The following PLEKHA6 variants were observed in gnomAD, a reference collection of about 807,000 sequenced individuals.
PLEKHA6 encodes pleckstrin homology domain containing A6.
Under a neutral mutation model 116.7 loss-of-function variants are expected in PLEKHA6, and 60 were observed. The observed-to-expected ratio is 0.51, with a 90% CI of 0.42 to 0.64. The LOEUF is 0.64. PLEKHA6 is among the 30% of genes least tolerant of loss of function. PLEKHA6 has a pLI of 0.00. For synonymous variants in PLEKHA6, 489 were observed against 556.1 expected, an observed-to-expected ratio of 0.88 and a Z score of 1.70; for missense variants, 1,338 against 1,422.7, an observed-to-expected ratio of 0.94 and a Z score of 0.96.
intron 1 of PLEKHA6, among the ~76,000 whole-genome samples, chr1:204,357,663 G>A (rs1426836357): frequency 6.6e-6 from 1 of 152,210 alleles, no homozygotes; most frequent in Non-Finnish European, 1.5e-5. Context: ...CAGTGCCAAT[G>A]ACCTCATCAA....
intron 1 of PLEKHA6, among the ~76,000 whole-genome samples, chr1:204,299,882 C>A (rs564793563): frequency 6.6e-6 from 1 of 152,276 alleles, no homozygotes; most frequent in Non-Finnish European, 1.5e-5. Context: ...GAAGCACAGG[C>A]CACTCCCCTG....
At chr1:204,287,087 C>T (rs1558141175) in intron 1 of PLEKHA6, among the ~76,000 whole-genome samples, 1 of 152,162 alleles carries the variant, frequency 6.6e-6, no homozygotes, top group Non-Finnish European at 1.5e-5. Flanking sequence ...CTCTCCAGAG[C>T]CCCGAGTTCC....
At chr1:204,231,834 G>C (rs1661223716) in intron 17 of PLEKHA6, among the ~76,000 whole-genome samples, 1 of 152,098 alleles carries the variant, frequency 6.6e-6, no homozygotes, top group Non-Finnish European at 1.5e-5. Flanking sequence ...CCAAAGTGCT[G>C]GGATTATAGG....
At position 204,257,750 on chromosome 1, in the gene PLEKHA6, G is replaced by A. The variant is rs558785490; in HGVS notation, c.1127C>T (p.Ser376Phe). 2 of 1,613,768 alleles carry A rather than the reference G, an allele frequency of 1.2e-6. No homozygotes were observed. Among genetic ancestry groups the A allele is most frequent in the Non-Finnish European group, 1.7e-6 (2 of 1,179,874 alleles). The change falls in exon 9 of 23, where the codon TCC (serine) becomes TTC (phenylalanine). Residue 376 changes from serine (S) to phenylalanine (F), a missense_variant. Ser to Phe is a radical substitution (Grantham distance 155). Coordinates refer to ENST00000272203, the MANE Select transcript of PLEKHA6 (RefSeq NM_014935.5). The surrounding 1 kb of genome is among the most constrained non-coding windows in gnomAD (Gnocchi z 6.5). ...PPGVRPESIC[S>F]MPAYDRISPP... ...GCTGATCCGATCATAGGCCGGCATG[G>A]AACAGATGCTCTCCGGCCGCACTCC... is the stretch of plus-strand genomic sequence containing the variant.
chr1:204,264,301 G>C (rs111518359), intron 6 of PLEKHA6, among the ~76,000 whole-genome samples: 5 of 152,134 alleles, frequency 3.3e-5, no homozygotes, highest in African/African-American at 1.2e-4. Context: ...CCAGCTGCAG[G>C]CACATCTTTA....
At chr1:204,367,733 C>G (rs542554948) in intron 3 of PLEKHA6, 8 of 152,444 alleles carry the variant, frequency 5.2e-5, no homozygotes, top group Non-Finnish European at 8.8e-5. Context: ...TTAACCATCT[C>G]TCCTCCTGAC....
chr1:204,368,257 C>T, intron 2 of PLEKHA6, among the ~76,000 whole-genome samples: 1 of 152,100 alleles, frequency 6.6e-6, no homozygotes, highest in Admixed American at 6.5e-5. Context: ...ATCATCTAAC[C>T]AGAAGGGCAG....
intron 1 of PLEKHA6, among the ~76,000 whole-genome samples, chr1:204,286,334 G>C (rs1230228970): frequency 6.6e-6 from 1 of 152,234 alleles, no homozygotes; most frequent in South Asian, 2.1e-4. Flanking sequence ...GGACACTGCT[G>C]TTCCCACCCC....
chr1:204,235,788 C>T (rs1043147680), intron 17 of PLEKHA6, among the ~76,000 whole-genome samples: 8 of 152,286 alleles, frequency 5.3e-5, no homozygotes, highest in African/African-American at 1.9e-4. Context: ...ACAGCTTCTC[C>T]ATTCCCAATA....
intron 1 of PLEKHA6, among the ~76,000 whole-genome samples, chr1:204,337,527 G>C (rs16853433): frequency 0.087 from 13,229 of 152,258 alleles, 1,293 homozygotes; most frequent in African/African-American, 0.24. Flanking sequence ...AAGACAACAA[G>C]TGAGCATGAG....
intron 1 of PLEKHA6, among the ~76,000 whole-genome samples, chr1:204,338,609 G>A (rs1214592495): frequency 6.6e-6 from 1 of 152,178 alleles, no homozygotes; most frequent in Non-Finnish European, 1.5e-5. Flanking sequence ...TTACAACCTA[G>A]CAAGCCAAGC....
chr1:204,332,766 G>A (rs1672503282), intron 1 of PLEKHA6, among the ~76,000 whole-genome samples: 1 of 152,172 alleles, frequency 6.6e-6, no homozygotes, highest in Non-Finnish European at 1.5e-5. Context: ...CCCGGCAGCA[G>A]TCCCAACTCT....
chr1:204,311,337 C>G (rs1346702749), intron 1 of PLEKHA6: 1 of 151,892 alleles, frequency 6.6e-6, no homozygotes, highest in Non-Finnish European at 1.5e-5. Flanking sequence ...CCTAAAAATA[C>G]AAAATTAGCC....
Position 204,307,377 on chromosome 1 carries a change from C to G in PLEKHA6, c.-94-32568G>C, listed in dbSNP as rs567040452. The G allele has an allele frequency of 3.3e-5, 5 of 152,454 alleles. No individual in the cohort carries two copies. The South Asian group carries it at 1.0e-3, about 32-fold the overall frequency. The allele number at this position is 152,454 out of a possible 1,614,324, so 9.4% of individuals were successfully genotyped here. A position where few individuals can be genotyped will look rare whatever the true frequency, so the allele number is the denominator to read the frequency against. Reference sequence around the variant, plus strand: ...TCAGGACCCAGCTGGGAGACGCAGACTGCCGACTGAGAAGGAGTGAAGCAA... The same window carrying G: ...TCAGGACCCAGCTGGGAGACGCAGAGTGCCGACTGAGAAGGAGTGAAGCAA... On this transcript the variant is annotated intron_variant, in intron 1 of 22. Transcript: ENST00000272203.
chr1:204,225,072 C>A (rs536980259), intron 21 of PLEKHA6, among the ~76,000 whole-genome samples: 18 of 152,086 alleles, frequency 1.2e-4, no homozygotes, highest in African/African-American at 4.1e-4. Context: ...CAGGAAAATT[C>A]AAAGAGACAG....
Position 204,257,339 on chromosome 1 carries a change from G to A in PLEKHA6, c.1524+14C>T, listed in dbSNP as rs1410358972. 6.4e-7 allele frequency: 1 copy of A among 1,557,216 alleles called. No homozygotes were observed. The highest frequency in any genetic ancestry group is 8.7e-7 in the Non-Finnish European group (1 of 1,149,860). ...CTCAGGGGATGAGGAAGGAAGGGCA[G>A]GCTGGTGGCTCACCTTGGGGGAGCT... is the stretch of plus-strand genomic sequence containing the variant. On this transcript the variant is annotated intron_variant, in intron 9 of 22. Transcript: ENST00000272203. The surrounding 1 kb of genome is among the most constrained non-coding windows in gnomAD (Gnocchi z 6.5).
chr1:204,368,804 A>T (rs1479954463), intron 2 of PLEKHA6: 1 of 152,258 alleles, frequency 6.6e-6, no homozygotes, highest in Admixed American at 6.5e-5. Context: ...TGGCTGACAT[A>T]TTGGAAAACA....
intron 1 of PLEKHA6, among the ~76,000 whole-genome samples, chr1:204,307,022 C>A (rs546389448): frequency 6.6e-6 from 1 of 152,114 alleles, no homozygotes; most frequent in Non-Finnish European, 1.5e-5. Flanking sequence ...TAATGAGAGA[C>A]CCCGAGGAAG....
chr1:204,366,631 G>A (rs1558203991), intron 3 of PLEKHA6, among the ~76,000 whole-genome samples: 1 of 152,054 alleles, frequency 6.6e-6, no homozygotes, highest in Non-Finnish European at 1.5e-5. Context: ...CATGGTGGTG[G>A]GCACCTGTAG....
Sources: allele counts gnomAD v4.1 joint callset (sites outside exome capture counted in the v4.1 genomes callset), GRCh38; gene constraint gnomAD v4.1.1; non-coding constraint Gnocchi (gnomAD v3.1); transcripts MANE v1.5; gene names NCBI Gene and HGNC (gene_info 2026-07-23, HGNC 2026-07-21).